Variants in ZCCHC17 observed in about 807,000 individuals in gnomAD.
The protein encoded by ZCCHC17 is zinc finger CCHC-type containing 17, also known as zinc finger CCHC domain-containing protein 17.
ZCCHC17 carries 18 observed loss-of-function variants against 30.6 expected under a neutral mutation model. The observed-to-expected ratio is 0.59, with a 90% CI of 0.41 to 0.87. ZCCHC17 has a LOEUF of 0.87. Among genes scored for constraint, ZCCHC17 ranks in the 40% least tolerant of loss-of-function variants. The probability of loss-of-function intolerance (pLI) is 0.00; values close to 1 mark genes in which losing one functional copy is unlikely to be tolerated. For missense variants in ZCCHC17, 263 were observed against 284.2 expected, an observed-to-expected ratio of 0.93 and a Z score of 0.54; for synonymous variants, 88 against 92.4, an observed-to-expected ratio of 0.95 and a Z score of 0.27.
chr1:31,323,327 C>CT lies in ZCCHC17; in HGVS notation c.124+4173dup, dbSNP rs969676471. Reference sequence around the variant, plus strand: ...CATAAAACCTCTGTATTCTTTCTTTCTTTTTTTTTTTTGAGACGGAGTCTT... The same window carrying CT: ...CATAAAACCTCTGTATTCTTTCTTTCTTTTTTTTTTTTTGAGACGGAGTCTT... On this transcript the variant is annotated intron_variant, in intron 3 of 7. Coordinates refer to ENST00000344147, the MANE Select transcript of ZCCHC17 (RefSeq NM_016505.4). Among the ~76,000 whole-genome samples, 149 of 149,248 alleles carry CT rather than the reference C, an allele frequency of 1.0e-3. 1 individual carries two copies. The highest frequency in any genetic ancestry group is 8.4e-3 in the East Asian group (42 of 5,016).
At chr1:31,354,533 T>C (rs893931018) in intron 7 of ZCCHC17, among the ~76,000 whole-genome samples, 3 of 152,204 alleles carry the variant, frequency 2.0e-5, no homozygotes, top group Non-Finnish European at 2.9e-5. Flanking sequence ...ACTGTGATTC[T>C]ATTTGTATGT....
intron 2 of ZCCHC17, among the ~76,000 whole-genome samples, chr1:31,310,909 A>G (rs761033909): frequency 7.9e-5 from 12 of 151,964 alleles, no homozygotes; most frequent in Non-Finnish European, 1.5e-4. Context: ...ACTCCAGTCT[A>G]TTTGCAAGTC....
intron 6 of ZCCHC17, among the ~76,000 whole-genome samples, chr1:31,347,034 A>T (rs187932782): frequency 6.6e-6 from 1 of 152,294 alleles, no homozygotes; most frequent in East Asian, 1.9e-4. Flanking sequence ...AGGAGGAGTA[A>T]GAGTGTTGGA....
intron 6 of ZCCHC17, 106 bp downstream of exon 6, chr1:31,346,846 C>T (rs1313696598): frequency 2.6e-6 from 4 of 1,548,060 alleles, no homozygotes; most frequent in Non-Finnish European, 1.7e-6. Context: ...TGTTTTTTAG[C>T]CAAGTGATGG....
chr1:31,335,689 A>G (rs75801624), intron 3 of ZCCHC17, among the ~76,000 whole-genome samples: 79 of 152,300 alleles, frequency 5.2e-4, no homozygotes, highest in African/African-American at 1.9e-3. Context: ...AATTATTTTT[A>G]TTAAATGTGT....
chr1:31,328,278 C>T lies in ZCCHC17; in HGVS notation c.125-8897C>T, dbSNP rs552221894. 7.5e-4 allele frequency among the ~76,000 whole-genome samples: 114 copies of T among 152,104 alleles called. 1 individual carries two copies. The highest frequency in any genetic ancestry group is 1.8e-3 in the African/African-American group (76 of 41,494). On this transcript the variant is annotated intron_variant, in intron 3 of 7. Coordinates refer to ENST00000344147, the MANE Select transcript of ZCCHC17 (RefSeq NM_016505.4). ...CATGTAATTTCAGCACTTTGGGAGGCGAGGTAGGTGGATCGCTTGAGCTCA... is the reference window on the plus strand; with the variant it reads ...CATGTAATTTCAGCACTTTGGGAGGTGAGGTAGGTGGATCGCTTGAGCTCA...
chr1:31,343,185 G>A (rs1047859056), intron 5 of ZCCHC17, among the ~76,000 whole-genome samples: 3 of 152,244 alleles, frequency 2.0e-5, no homozygotes, highest in Admixed American at 1.3e-4. Flanking sequence ...TCAGCCTCCT[G>A]AGTAGCTGGG....
chr1:31,357,833 G>T lies in ZCCHC17; in HGVS notation c.565-6199G>T, dbSNP rs1173091676. 2.0e-5 allele frequency among the ~76,000 whole-genome samples: 3 copies of T among 150,696 alleles called. No individual in the cohort carries two copies. In the East Asian group the frequency reaches 5.9e-4, roughly 29 times the overall value. ...TGCAATGGTGCGATCTCAGCTCACT[G>T]CAACCTCTGCCTCCTGGGTTCAAGC... On this transcript the variant is annotated intron_variant, in intron 7 of 7. Coordinates refer to ENST00000344147, the MANE Select transcript of ZCCHC17 (RefSeq NM_016505.4).
chr1:31,305,272 CTTTT>C (rs113992102), intron 1 of ZCCHC17, among the ~76,000 whole-genome samples: 1 of 146,432 alleles, frequency 6.8e-6, no homozygotes, highest in South Asian at 2.2e-4. Context: ...TCAGAGTTGA[CTTTT>C]TTTTTTTAAT....
Position 31,338,891 on chromosome 1 carries a change from A to C in ZCCHC17, c.226-66A>C, listed in dbSNP as rs936743503. ...TGTTATGATGAAAACGTTGACTCTT[A>C]ATTTTAGACTGGCCATCTAAATGAT... On this transcript the variant is annotated intron_variant, in intron 4 of 7. Coordinates refer to ENST00000344147, the MANE Select transcript of ZCCHC17 (RefSeq NM_016505.4). 50 of 1,071,876 alleles carry C rather than the reference A, an allele frequency of 4.7e-5. 1 individual carries two copies. In the Admixed American group the frequency reaches 9.9e-4, roughly 21 times the overall value. 66.4% of individuals were successfully genotyped at this position (1,071,876 alleles called of 1,614,324 possible).
chr1:31,343,448 T>C (rs1367990858), intron 5 of ZCCHC17, among the ~76,000 whole-genome samples: 1 of 152,194 alleles, frequency 6.6e-6, no homozygotes, highest in East Asian at 1.9e-4. Context: ...CTTGCCCTGT[T>C]ATGCTCAGTA....
intron 7 of ZCCHC17, among the ~76,000 whole-genome samples, chr1:31,357,702 G>T (rs1279064657): frequency 1.3e-5 from 2 of 151,978 alleles, no homozygotes; most frequent in Non-Finnish European, 2.9e-5. Context: ...GTCCTAGAAT[G>T]AGGATGTGGG....
At chr1:31,316,205 G>T (rs149085696) in intron 2 of ZCCHC17, among the ~76,000 whole-genome samples, 34 of 152,186 alleles carry the variant, frequency 2.2e-4, no homozygotes, top group Non-Finnish European at 3.5e-4. Flanking sequence ...GTGTTCAAAC[G>T]ATTTTCGTGC....
At chr1:31,346,026 A>AAG (rs1399516296) in intron 5 of ZCCHC17, among the ~76,000 whole-genome samples, 3 of 152,176 alleles carry the variant, frequency 2.0e-5, no homozygotes, top group African/African-American at 7.2e-5. Flanking sequence ...AAATGCAACA[A>AAG]AGAGATTAAT....
At chr1:31,305,056 G>A (rs1012918884) in intron 1 of ZCCHC17, among the ~76,000 whole-genome samples, 2 of 152,170 alleles carry the variant, frequency 1.3e-5, no homozygotes, top group African/African-American at 4.8e-5. Context: ...CCATAAGGTT[G>A]GGAGATTAAC....
chr1:31,353,133 T>C (rs757766084), intron 7 of ZCCHC17, among the ~76,000 whole-genome samples: 4 of 152,218 alleles, frequency 2.6e-5, no homozygotes, highest in Non-Finnish European at 4.4e-5. Context: ...TGATATTGAA[T>C]ATCTTTTCAT....
At chr1:31,341,022 T>G (rs1354562642) in intron 5 of ZCCHC17, among the ~76,000 whole-genome samples, 1 of 152,226 alleles carries the variant, frequency 6.6e-6, no homozygotes, top group Non-Finnish European at 1.5e-5. Context: ...ATATTCCTAC[T>G]TTATAGCTTG....
At position 31,364,255 on chromosome 1, in the gene ZCCHC17, T is replaced by C; in HGVS notation, c.*62T>C. On this transcript the variant is annotated 3_prime_UTR_variant, in exon 8 of 8. Coordinates refer to ENST00000344147, the MANE Select transcript of ZCCHC17 (RefSeq NM_016505.4). ...AACCAGGAGCCTTGTGCCTTGAGAC[T>C]CCTGGAAAGACTCAATAGTGAGAAT... 1 of 1,545,234 alleles carries C rather than the reference T, an allele frequency of 6.5e-7. No individual in the cohort carries two copies. Among genetic ancestry groups the C allele is most frequent in the Non-Finnish European group, 8.7e-7 (1 of 1,149,996 alleles).
intron 2 of ZCCHC17, among the ~76,000 whole-genome samples, chr1:31,315,359 C>G (rs1478245394): frequency 1.3e-5 from 2 of 152,260 alleles, no homozygotes; most frequent in East Asian, 3.9e-4. Context: ...CTGAACTTAG[C>G]AGGGATTTGG....
Sources: gnomAD v4.1 joint callset for allele counts (sites outside exome capture counted in the v4.1 genomes callset) on GRCh38, gnomAD v4.1.1 for gene constraint, MANE v1.5 for transcripts, NCBI Gene and HGNC (gene_info 2026-07-23, HGNC 2026-07-21) for gene names.